EXT1: variants seen among roughly 807,000 people sequenced by gnomAD.
EXT1 encodes the protein exostosin glycosyltransferase 1, also known as exostosin-1.
Under a neutral mutation model 82.5 loss-of-function variants are expected in EXT1, and 20 were observed. That is an observed-to-expected ratio of 0.24 (90% CI 0.17 to 0.35). The LOEUF is 0.35. Ranked by LOEUF, EXT1 falls within the 10% of genes least tolerant of loss-of-function variation. EXT1 has a pLI of 1.00. For missense variants in EXT1, 757 were observed against 936.5 expected, an observed-to-expected ratio of 0.81 and a Z score of 2.50; for synonymous variants, 348 against 350.8, an observed-to-expected ratio of 0.99 and a Z score of 0.09.
At chr8:117,973,865 G>GGAAAA (rs1563617623) in intron 1 of EXT1, among the ~76,000 whole-genome samples, 48 of 129,746 alleles carry the variant, frequency 3.7e-4, no homozygotes, top group Middle Eastern at 5.0e-3. Context: ...GGAAAGGAAA[G>GGAAAA]GAAAGGAAAG....
At chr8:118,089,531 T>C (rs372445565) in intron 1 of EXT1, among the ~76,000 whole-genome samples, 1 of 152,226 alleles carries the variant, frequency 6.6e-6, no homozygotes, top group Non-Finnish European at 1.5e-5. Flanking sequence ...GAATAAAATA[T>C]ATCCACTAAA....
intron 1 of EXT1, among the ~76,000 whole-genome samples, chr8:117,874,143 G>A (rs910968525): frequency 6.6e-6 from 1 of 152,122 alleles, no homozygotes; most frequent in East Asian, 1.9e-4. Context: ...ATTTTAAATG[G>A]TCATTTCTTT....
intron 1 of EXT1, among the ~76,000 whole-genome samples, chr8:118,055,726 G>A (rs1162124159): frequency 6.6e-6 from 1 of 152,112 alleles, no homozygotes; most frequent in Non-Finnish European, 1.5e-5. Flanking sequence ...TAGGGCTATT[G>A]GGAAGATTAA....
chr8:117,818,359 G>C, intron 7 of EXT1, 76 bp downstream of exon 7: 3 of 1,161,048 alleles, frequency 2.6e-6, no homozygotes, highest in Non-Finnish European at 3.9e-6. Context: ...GATATCTAGG[G>C]CCAAGACCCA....
At chr8:117,918,438 A>G (rs975490459) in intron 1 of EXT1, among the ~76,000 whole-genome samples, 3 of 152,222 alleles carry the variant, frequency 2.0e-5, no homozygotes, top group Non-Finnish European at 4.4e-5. Context: ...AGATGGCCTC[A>G]TCAATTCCTC....
chr8:118,052,785 C>T (rs975154904), intron 1 of EXT1, among the ~76,000 whole-genome samples: 1 of 152,154 alleles, frequency 6.6e-6, no homozygotes, highest in African/African-American at 2.4e-5. Flanking sequence ...ATTAAATAGC[C>T]TCTGTTTAGG....
At chr8:117,962,996 G>C (rs1350192651) in intron 1 of EXT1, among the ~76,000 whole-genome samples, 2 of 152,126 alleles carry the variant, frequency 1.3e-5, no homozygotes, top group Non-Finnish European at 2.9e-5. Flanking sequence ...GTGTTCCAAG[G>C]TAGGAAACTG....
chr8:118,029,538 A>G (rs1816268936), intron 1 of EXT1, among the ~76,000 whole-genome samples: 1 of 152,222 alleles, frequency 6.6e-6, no homozygotes. Flanking sequence ...ACTAAATTAT[A>G]GCCCCCTTTG....
At chr8:117,896,853 C>T (rs1813348756) in intron 1 of EXT1, among the ~76,000 whole-genome samples, 1 of 152,122 alleles carries the variant, frequency 6.6e-6, no homozygotes, top group Admixed American at 6.6e-5. Flanking sequence ...AAATTCAGTG[C>T]CCCTCAATGA....
intron 1 of EXT1, among the ~76,000 whole-genome samples, chr8:118,081,190 AC>A (rs1385900976): frequency 6.6e-6 from 1 of 152,170 alleles, no homozygotes; most frequent in Admixed American, 6.6e-5. Flanking sequence ...AATACTCATA[AC>A]CACTAACCTC....
intron 1 of EXT1, among the ~76,000 whole-genome samples, chr8:118,011,247 C>T (rs975604861): frequency 2.2e-4 from 33 of 152,124 alleles, no homozygotes; most frequent in African/African-American, 5.6e-4. Flanking sequence ...TGTCTGTTAC[C>T]GACTTCCCGG....
intron 1 of EXT1, among the ~76,000 whole-genome samples, chr8:118,021,161 G>A (rs920026351): frequency 5.3e-5 from 8 of 152,174 alleles, no homozygotes; most frequent in African/African-American, 1.7e-4. Context: ...TTTTAAAAGA[G>A]GGAGGCTTTA....
chr8:117,830,052 G>A (rs1013759896), intron 4 of EXT1, among the ~76,000 whole-genome samples, 178 bp downstream of exon 4: 3 of 152,142 alleles, frequency 2.0e-5, no homozygotes, highest in Middle Eastern at 3.2e-3. Flanking sequence ...TGTCAGGAAT[G>A]AGAGTATTTT....
chr8:118,102,286 A>G (rs771948170), intron 1 of EXT1, among the ~76,000 whole-genome samples: 1 of 152,018 alleles, frequency 6.6e-6, no homozygotes, highest in Non-Finnish European at 1.5e-5. Flanking sequence ...ATAAACAAAT[A>G]AAATATATGT....
intron 1 of EXT1, among the ~76,000 whole-genome samples, chr8:117,980,934 GC>G (rs1025630250): frequency 2.0e-5 from 3 of 152,122 alleles, no homozygotes; most frequent in Non-Finnish European, 4.4e-5. Context: ...GGCGGAGGAA[GC>G]CGTTGTCTGC....
At chr8:117,830,383 CT>C (rs1161618510) in intron 3 of EXT1, 34 bp from the exon 4 acceptor site, 1 of 1,610,324 alleles carries the variant, frequency 6.2e-7, no homozygotes, top group Non-Finnish European at 8.5e-7. Context: ...GGAATTATAA[CT>C]GTAAAACAAA....
chr8:118,038,285 CTAAAA>C (rs1443517643), intron 1 of EXT1, among the ~76,000 whole-genome samples: 1 of 152,130 alleles, frequency 6.6e-6, no homozygotes, highest in Non-Finnish European at 1.5e-5. Flanking sequence ...GGGTAAATGA[CTAAAA>C]TAACAACTAA....
At chr8:118,064,530 AG>A (rs1200220450) in intron 1 of EXT1, among the ~76,000 whole-genome samples, 16 of 152,210 alleles carry the variant, frequency 1.1e-4, no homozygotes, top group Admixed American at 9.8e-4. Context: ...ATAGCTACAT[AG>A]TATTCCATGG....
At chr8:117,809,631 C>T (rs527941239) in intron 8 of EXT1, among the ~76,000 whole-genome samples, 2 of 115,134 alleles carry the variant, frequency 1.7e-5, no homozygotes, top group African/African-American at 2.8e-5. Flanking sequence ...AGTGAGACTC[C>T]GTCAAAAAAA....
Sources: gnomAD v4.1 joint callset for allele counts (sites outside exome capture counted in the v4.1 genomes callset) on GRCh38, gnomAD v4.1.1 for gene constraint, MANE v1.5 for transcripts, NCBI Gene and HGNC (gene_info 2026-07-23, HGNC 2026-07-21) for gene names.